The following KCNIP4 variants were observed in gnomAD, a reference collection of about 807,000 sequenced individuals.
KCNIP4 encodes Kv channel-interacting protein 4.
KCNIP4 carries 12 observed loss-of-function variants against 34.0 expected under a neutral mutation model. That is an observed-to-expected ratio of 0.35 (90% confidence interval 0.23 to 0.57). KCNIP4 has a LOEUF of 0.57. KCNIP4 is among the 20% of genes least tolerant of loss of function. The probability of loss-of-function intolerance (pLI) is 0.83; values close to 1 mark genes in which losing one functional copy is unlikely to be tolerated. For synonymous variants in KCNIP4, 124 were observed against 102.2 expected, an observed-to-expected ratio of 1.21 and a Z score of -1.29; for missense variants, 238 against 311.7, an observed-to-expected ratio of 0.76 and a Z score of 1.78.
At position 21,895,677 on chromosome 4, in the gene KCNIP4, A is replaced by G. The variant is rs1019534098; in HGVS notation, c.61+52894T>C. Among the ~76,000 whole-genome samples the G allele has an allele frequency of 2.0e-5, 3 of 152,318 alleles. No individual in the cohort carries two copies. The South Asian group carries it at 6.2e-4, about 32-fold the overall frequency. ...TTAGGCCTGCAAAAGTAAGGTAAGT[A>G]TCTATAGTCTGGATAGCGAGAACCA... On this transcript the variant is annotated intron_variant, in intron 1 of 8. Coordinates refer to ENST00000382152, the MANE Select transcript of KCNIP4 (RefSeq NM_025221.6).
chr4:21,548,560 C>T (rs12648125), intron 1 of KCNIP4, among the ~76,000 whole-genome samples: 54,496 of 151,374 alleles, frequency 0.36, 10,101 homozygotes, highest in South Asian at 0.53. Flanking sequence ...ATTTCTTGTT[C>T]TATTCACTCT....
At chr4:20,904,949 C>T (rs1189001633) in intron 1 of KCNIP4, among the ~76,000 whole-genome samples, 1 of 152,080 alleles carries the variant, frequency 6.6e-6, no homozygotes, top group African/African-American at 2.4e-5. Flanking sequence ...AGGATAAAGA[C>T]TAGAGTAGTT....
chr4:21,131,136 C>T (rs1008481109), intron 1 of KCNIP4, among the ~76,000 whole-genome samples: 2 of 152,064 alleles, frequency 1.3e-5, no homozygotes, highest in Admixed American at 6.5e-5. Flanking sequence ...TTTTAATAAC[C>T]AAAAAGCAAA....
chr4:21,597,656 C>T (rs1030621919), intron 1 of KCNIP4, among the ~76,000 whole-genome samples: 1 of 152,126 alleles, frequency 6.6e-6, no homozygotes, highest in African/African-American at 2.4e-5. Context: ...ATCTACAGCT[C>T]CCTTGGAGCC....
chr4:21,452,790 G>GA (rs938491873), intron 1 of KCNIP4, among the ~76,000 whole-genome samples: 44 of 149,938 alleles, frequency 2.9e-4, no homozygotes, highest in African/African-American at 6.4e-4. Context: ...AAAAGAGAAG[G>GA]AAAAAAAACA....
At chr4:21,005,763 A>T (rs923849444) in intron 1 of KCNIP4, among the ~76,000 whole-genome samples, 1 of 152,156 alleles carries the variant, frequency 6.6e-6, no homozygotes, top group Non-Finnish European at 1.5e-5. Flanking sequence ...ATGCAGAGTG[A>T]CTTTGGTTAT....
At chr4:21,728,614 A>T (rs1715371140) in intron 1 of KCNIP4, among the ~76,000 whole-genome samples, 1 of 152,128 alleles carries the variant, frequency 6.6e-6, no homozygotes, top group African/African-American at 2.4e-5. Context: ...TTTGAGGAAA[A>T]AGCACTTAAA....
At chr4:20,892,157 C>T (rs1221357391) in intron 1 of KCNIP4, among the ~76,000 whole-genome samples, 1 of 152,096 alleles carries the variant, frequency 6.6e-6, no homozygotes, top group Non-Finnish European at 1.5e-5. Context: ...ACTTGGGAGG[C>T]AGAAAATGAC....
chr4:20,797,683 G>T (rs151042135), intron 3 of KCNIP4, among the ~76,000 whole-genome samples: 46 of 152,296 alleles, frequency 3.0e-4, no homozygotes, highest in African/African-American at 1.0e-3. Flanking sequence ...ACTCTTGTTG[G>T]TTTAAAGGTA....
chr4:21,629,315 C>G (rs564476460), intron 1 of KCNIP4, among the ~76,000 whole-genome samples: 4 of 152,198 alleles, frequency 2.6e-5, no homozygotes, highest in Non-Finnish European at 4.4e-5. Context: ...TCAGATGTAA[C>G]TGATTGTATT....
chr4:21,901,544 T>C (rs1279923926), intron 1 of KCNIP4, among the ~76,000 whole-genome samples: 1 of 152,208 alleles, frequency 6.6e-6, no homozygotes, highest in Non-Finnish European at 1.5e-5. Context: ...ACAAAGTTCA[T>C]GCTCTCAAGA....
rs1318237484 is a variant in KCNIP4 at position 21,105,886 on chromosome 4, G to A, written c.62-223177C>T. Among the ~76,000 whole-genome samples the A allele has an allele frequency of 5.9e-5, 9 of 151,428 alleles. 2 individuals are homozygous for A. The highest frequency in any genetic ancestry group is 2.0e-4 in the African/African-American group (8 of 40,818). On this transcript the variant is annotated intron_variant, in intron 1 of 8. Transcript: ENST00000382152. ...TTTTTGTCTTTGGTTCTGTTTATAT[G>A]CTGGATTACATTTATTGATTTGCAT... is the stretch of plus-strand genomic sequence containing the variant.
chr4:21,548,365 T>C (rs1425646246), intron 1 of KCNIP4, among the ~76,000 whole-genome samples: 1 of 152,036 alleles, frequency 6.6e-6, no homozygotes. Flanking sequence ...TTTGCATCAA[T>C]AAAACATCAA....
intron 1 of KCNIP4, among the ~76,000 whole-genome samples, chr4:21,835,748 T>C (rs1239959497): frequency 1.3e-5 from 2 of 152,160 alleles, no homozygotes; most frequent in Non-Finnish European, 2.9e-5. Context: ...TGCATGAGAA[T>C]GTTTTCTACT....
chr4:20,797,211 A>G (rs1713592362), intron 3 of KCNIP4, among the ~76,000 whole-genome samples: 1 of 152,366 alleles, frequency 6.6e-6, no homozygotes, highest in East Asian at 1.9e-4. Flanking sequence ...TATAGAAGCT[A>G]TTTCAGAAGT....
chr4:21,592,389 A>G (rs1742289101), intron 1 of KCNIP4, among the ~76,000 whole-genome samples: 1 of 152,134 alleles, frequency 6.6e-6, no homozygotes, highest in African/African-American at 2.4e-5. Context: ...GTATTCCATC[A>G]TAGAAAGTAT....
chr4:21,834,166 T>C (rs1445925228), intron 1 of KCNIP4, among the ~76,000 whole-genome samples: 3 of 152,224 alleles, frequency 2.0e-5, no homozygotes, highest in Admixed American at 6.5e-5. Context: ...GCATTGAATC[T>C]GTAAATTACC....
intron 1 of KCNIP4, among the ~76,000 whole-genome samples, chr4:21,353,421 AACTAG>A (rs1348952870): frequency 6.6e-6 from 1 of 152,206 alleles, no homozygotes; most frequent in Non-Finnish European, 1.5e-5. Flanking sequence ...ATGAATGGCT[AACTAG>A]ACTAAACAGT....
intron 5 of KCNIP4, among the ~76,000 whole-genome samples, chr4:20,737,080 C>T (rs142851520): frequency 6.6e-6 from 1 of 152,264 alleles, no homozygotes; most frequent in Admixed American, 6.5e-5. Context: ...ATATATGGTG[C>T]TGTGGCAACT....
Sources: gnomAD v4.1 joint callset for allele counts (sites outside exome capture counted in the v4.1 genomes callset) on GRCh38, gnomAD v4.1.1 for gene constraint, MANE v1.5 for transcripts, NCBI Gene and HGNC (gene_info 2026-07-23, HGNC 2026-07-21) for gene names.